The following MTURN variants were observed in gnomAD, a reference collection of about 807,000 sequenced individuals.
MTURN encodes the protein maturin.
A neutral mutation model predicts 14.9 loss-of-function variants in MTURN; 7 were observed. That is an observed-to-expected ratio of 0.47 (90% CI 0.27 to 0.88). The LOEUF (loss-of-function observed/expected upper bound fraction) is 0.88, where lower values mean the gene tolerates loss of function less well. Among genes scored for constraint, MTURN ranks in the 40% least tolerant of loss-of-function variants. The probability of loss-of-function intolerance (pLI) is 0.14; values close to 1 mark genes in which losing one functional copy is unlikely to be tolerated. For synonymous variants in MTURN, 69 were observed against 72.5 expected (o/e 0.95, Z 0.25); for missense variants, 151 against 174.1 (o/e 0.87, Z 0.75).
chr7:30,140,357 C>G (rs187984290), intron 1 of MTURN, among the ~76,000 whole-genome samples: 1 of 146,210 alleles, frequency 6.8e-6, no homozygotes, highest in Non-Finnish European at 1.5e-5. Flanking sequence ...TTATTTATGG[C>G]AGGACTGTGA....
In MTURN at chr7:30,135,081, G is replaced by T; in HGVS notation, c.-56G>T. 1.5e-6 allele frequency: 2 copies of T among 1,322,992 alleles called. No individual in the cohort carries two copies. The highest frequency in any genetic ancestry group is 2.0e-6 in the Non-Finnish European group (2 of 1,019,492). The allele number at this position is 1,322,992 out of a possible 1,614,324, so 82.0% of individuals were successfully genotyped here. On this transcript the variant is annotated 5_prime_UTR_variant, in exon 1 of 3. Transcript: ENST00000324453. The stretch of plus-strand genomic sequence containing the variant: ...GAGCGCCGCGCTGCCCGCCCGGGAG[G>T]AGGGCGCCTAGGAGCGGGAGGGCGG...
At chr7:30,151,321 G>A (rs1404632720) in intron 2 of MTURN, among the ~76,000 whole-genome samples, 5 of 152,234 alleles carry the variant, frequency 3.3e-5, no homozygotes, top group Non-Finnish European at 7.3e-5. Flanking sequence ...TGGTAAGTGT[G>A]AGTTGGATAA....
In MTURN at chr7:30,157,465, G is replaced by A; in HGVS notation, c.313G>A (p.Asp105Asn). 2.5e-6 allele frequency: 4 copies of A among 1,603,000 alleles called. No individual in the cohort carries two copies. Among genetic ancestry groups the A allele is most frequent in the South Asian group, 2.2e-5 (2 of 89,404 alleles). ...PLLGLPDADD[D>N]AFEEYSADVE... ...ACTGGGGCTTCCGGATGCAGATGAC[G>A]ATGCGTTTGAAGAGTACAGTGCTGA... The change falls in exon 3 of 3, where the codon GAT becomes AAT. Residue 105 changes from aspartate (D) to asparagine (N), a missense_variant. Coordinates refer to ENST00000324453, the MANE Select transcript of MTURN (RefSeq NM_152793.3).
At chr7:30,145,265 A>G (rs779324548) in intron 1 of MTURN, among the ~76,000 whole-genome samples, 8 of 152,124 alleles carry the variant, frequency 5.3e-5, no homozygotes, top group Non-Finnish European at 8.8e-5. Context: ...AGTCCCAGCA[A>G]TTTGGGAGGC....
chr7:30,138,566 C>T (rs934655744), intron 1 of MTURN, among the ~76,000 whole-genome samples: 1 of 152,096 alleles, frequency 6.6e-6, no homozygotes, highest in African/African-American at 2.4e-5. Flanking sequence ...TGTCTCCTTG[C>T]TTATAACCTC....
chr7:30,161,163 A>T lies in MTURN; in HGVS notation c.*3615A>T, dbSNP rs1016324344. The T allele has an allele frequency of 2.6e-5, 4 of 152,778 alleles. No homozygotes were observed. The East Asian group carries it at 7.7e-4, about 29-fold the overall frequency. The allele number at this position is 152,778 out of a possible 1,614,324, so 9.5% of individuals were successfully genotyped here. A position where few individuals can be genotyped will look rare whatever the true frequency, so the allele number is the denominator to read the frequency against. On this transcript the variant is annotated 3_prime_UTR_variant, in exon 3 of 3. Transcript: ENST00000324453. ...GAATAGGCTTTGCATGTTAAAATTC[A>T]CAAGTTGGGAAACTGGTATGAACAG...
intron 2 of MTURN, among the ~76,000 whole-genome samples, chr7:30,156,870 T>G (rs140770166): frequency 3.3e-4 from 50 of 152,252 alleles, no homozygotes; most frequent in African/African-American, 1.1e-3. Context: ...TTGTCATGCT[T>G]TTTTTACACT....
At chr7:30,154,152 A>G (rs1217018452) in intron 2 of MTURN, among the ~76,000 whole-genome samples, 3 of 152,214 alleles carry the variant, frequency 2.0e-5, no homozygotes, top group Non-Finnish European at 2.9e-5. Flanking sequence ...GGGGCTGGGC[A>G]GGAGAATCGC....
chr7:30,154,124 G>C (rs531773244), intron 2 of MTURN, among the ~76,000 whole-genome samples: 24 of 152,258 alleles, frequency 1.6e-4, no homozygotes, highest in Admixed American at 9.2e-4. Flanking sequence ...GACATACAGG[G>C]GAGAGAGTCC....
chr7:30,145,747 A>G (rs1046165441), intron 1 of MTURN: 22 of 1,305,220 alleles, frequency 1.7e-5, no homozygotes, highest in Non-Finnish European at 2.0e-5. Flanking sequence ...TTCCAAGTTA[A>G]TGCTTACAAA....
In MTURN at chr7:30,157,768, A is replaced by C. The variant is rs534476015; in HGVS notation, c.*220A>C. On this transcript the variant is annotated 3_prime_UTR_variant, in exon 3 of 3. Coordinates refer to ENST00000324453, the MANE Select transcript of MTURN (RefSeq NM_152793.3). ...TCACTCCCGCTTCAGTGGGGTTTCT[A>C]TGGAGTTGTCTTGGTAGCCTTTGCC... 3 of 295,976 alleles carry C rather than the reference A, an allele frequency of 1.0e-5. No individual in the cohort carries two copies. The highest frequency in any genetic ancestry group is 1.9e-5 in the Non-Finnish European group (3 of 159,056). 18.3% of individuals were successfully genotyped at this position (295,976 alleles called of 1,614,324 possible).
chr7:30,148,797 G>A (rs1797165321), intron 2 of MTURN, among the ~76,000 whole-genome samples: 1 of 152,138 alleles, frequency 6.6e-6, no homozygotes, highest in Non-Finnish European at 1.5e-5. Context: ...GTTTGGGGTT[G>A]GTAATGTCAG....
At chr7:30,152,031 G>T (rs185242534) in intron 2 of MTURN, among the ~76,000 whole-genome samples, 7 of 152,310 alleles carry the variant, frequency 4.6e-5, no homozygotes, top group African/African-American at 1.4e-4. Context: ...AAAAGAGAAA[G>T]AATCCACCTG....
rs75288942 is a variant in MTURN at position 30,143,532 on chromosome 7, T to C, written c.163-2645T>C. Among the ~76,000 whole-genome samples, 1,230 of 152,262 alleles carry C rather than the reference T, an allele frequency of 8.1e-3. 15 individuals are homozygous for C. The highest frequency in any genetic ancestry group is 0.028 in the African/African-American group (1,172 of 41,520). ...CTAGCATTTAGTAAATGATGTCTTTTAAGTGACCGTGTACACCCGAATCTG... is the reference window on the plus strand; with the variant it reads ...CTAGCATTTAGTAAATGATGTCTTTCAAGTGACCGTGTACACCCGAATCTG... On this transcript the variant is annotated intron_variant, in intron 1 of 2. Coordinates refer to ENST00000324453, the MANE Select transcript of MTURN (RefSeq NM_152793.3).
Position 30,157,728 on chromosome 7 carries a change from G to A in MTURN, c.*180G>A, listed in dbSNP as rs182729883. ...AAATATCTGTGATGAGCTTTGCTCA[G>A]AAGTGACCTGAATTTCACTCCCGCT... On this transcript the variant is annotated 3_prime_UTR_variant, in exon 3 of 3. Transcript: ENST00000324453. 1.9e-3 allele frequency: 691 copies of A among 359,838 alleles called. 4 individuals are homozygous for A. The highest frequency in any genetic ancestry group is 3.0e-3 in the Non-Finnish European group (611 of 200,678). The allele number at this position is 359,838 out of a possible 1,614,324, so 22.3% of individuals were successfully genotyped here.
At chr7:30,150,766 G>C (rs1797199233) in intron 2 of MTURN, among the ~76,000 whole-genome samples, 1 of 152,204 alleles carries the variant, frequency 6.6e-6, no homozygotes, top group Non-Finnish European at 1.5e-5. Flanking sequence ...GGAAGTCCAG[G>C]AAGCGTCCAT....
Position 30,159,479 on chromosome 7 carries a change from T to G in MTURN, c.*1931T>G, listed in dbSNP as rs1260797336. The G allele has an allele frequency of 6.6e-6, 1 of 152,616 alleles. No individual in the cohort carries two copies. 9.5% of individuals were successfully genotyped at this position (152,616 alleles called of 1,614,324 possible). A position where few individuals can be genotyped will look rare whatever the true frequency, so the allele number is the denominator to read the frequency against. ...ATACGTTGAAGCTTAAAATCTAAAT[T>G]TATGTATGTTTGGAAATGGAATGGA... On this transcript the variant is annotated 3_prime_UTR_variant, in exon 3 of 3. Transcript: ENST00000324453.
chr7:30,142,479 C>CT (rs1797066193), intron 1 of MTURN, among the ~76,000 whole-genome samples: 1 of 152,350 alleles, frequency 6.6e-6, no homozygotes, highest in East Asian at 1.9e-4. Flanking sequence ...CAAAGTTCTG[C>CT]TGTGCCCATG....
chr7:30,143,016 CA>C (rs1797074729), intron 1 of MTURN, among the ~76,000 whole-genome samples: 1 of 152,182 alleles, frequency 6.6e-6, no homozygotes, highest in African/African-American at 2.4e-5. Flanking sequence ...TTCAGTTGTG[CA>C]TTTGTCTTTG....
Sources: gnomAD v4.1 joint callset for allele counts (sites outside exome capture counted in the v4.1 genomes callset) on GRCh38, gnomAD v4.1.1 for gene constraint, MANE v1.5 for transcripts, NCBI Gene and HGNC (gene_info 2026-07-23, HGNC 2026-07-21) for gene names.